Variants in ARHGAP42 observed in about 807,000 individuals in gnomAD.
ARHGAP42 encodes the protein Rho GTPase activating protein 42.
Under a neutral mutation model 125.0 loss-of-function variants are expected in ARHGAP42, and 63 were observed. The ratio of observed to expected loss-of-function variants is 0.50; its 90% CI spans 0.41 to 0.62. ARHGAP42 has a LOEUF of 0.62. ARHGAP42 is among the 20% of genes least tolerant of loss of function. The pLI is 0.00. For synonymous variants in ARHGAP42, 339 were observed against 351.0 expected (o/e 0.97, Z 0.38); for missense variants, 766 against 1,024.2 (o/e 0.75, Z 3.44).
chr11:100,697,809 C>T (rs1230835209), intron 1 of ARHGAP42, among the ~76,000 whole-genome samples: 1 of 152,082 alleles, frequency 6.6e-6, no homozygotes, highest in Non-Finnish European at 1.5e-5. Context: ...TTCTCTTCTT[C>T]ATTTATTTAA....
intron 1 of ARHGAP42, among the ~76,000 whole-genome samples, chr11:100,751,464 A>AT (rs201443872): frequency 0.068 from 9,485 of 139,468 alleles, 370 homozygotes; most frequent in East Asian, 0.2. Flanking sequence ...ATACTTTTTT[A>AT]TTTTTTTTTT....
At chr11:100,694,669 G>T (rs939466786) in intron 1 of ARHGAP42, among the ~76,000 whole-genome samples, 3 of 152,140 alleles carry the variant, frequency 2.0e-5, no homozygotes, top group Non-Finnish European at 1.5e-5. Flanking sequence ...TTATAGTATA[G>T]CTCCAGTGGT....
In ARHGAP42 at chr11:100,896,317, C is replaced by A. The variant is rs556517866; in HGVS notation, c.385-17135C>A. Among the ~76,000 whole-genome samples the A allele has an allele frequency of 3.9e-5, 6 of 152,220 alleles. No individual in the cohort carries two copies. The South Asian group carries it at 1.2e-3, about 32-fold the overall frequency. ...ACAATAAATATACATGTGCATGTGT[C>A]TTTATAGTAGCATGATTTATAATCC... On this transcript the variant is annotated intron_variant, in intron 4 of 23. Transcript: ENST00000298815.
chr11:100,802,424 CT>C (rs777832011), intron 3 of ARHGAP42, among the ~76,000 whole-genome samples: 78 of 123,872 alleles, frequency 6.3e-4, no homozygotes, highest in Middle Eastern at 4.3e-3. Flanking sequence ...TCCTTTCTTT[CT>C]TTTTTTTTTT....
intron 5 of ARHGAP42, among the ~76,000 whole-genome samples, chr11:100,919,789 C>T (rs374148383): frequency 1.3e-5 from 2 of 152,142 alleles, no homozygotes; most frequent in African/African-American, 4.8e-5. Context: ...TCTTGCAGCC[C>T]TTTCACCCAG....
intron 2 of ARHGAP42, among the ~76,000 whole-genome samples, chr11:100,773,769 G>A (rs1226373968): frequency 2.6e-5 from 4 of 152,134 alleles, no homozygotes; most frequent in Admixed American, 6.6e-5. Flanking sequence ...GATTAGATTC[G>A]AGAGGTGTGA....
At chr11:100,743,240 A>C (rs923246290) in intron 1 of ARHGAP42, among the ~76,000 whole-genome samples, 2 of 152,112 alleles carry the variant, frequency 1.3e-5, no homozygotes, top group African/African-American at 4.8e-5. Flanking sequence ...TCCTTTTAGC[A>C]TTTCTTGTAT....
intron 1 of ARHGAP42, among the ~76,000 whole-genome samples, chr11:100,705,242 C>T (rs751375913): frequency 9.2e-5 from 14 of 152,174 alleles, no homozygotes; most frequent in Non-Finnish European, 1.6e-4. Context: ...TGTTATCACT[C>T]ACACATGTGC....
chr11:100,772,784 A>G (rs1863013652), intron 2 of ARHGAP42, among the ~76,000 whole-genome samples: 2 of 152,240 alleles, frequency 1.3e-5, no homozygotes, highest in South Asian at 2.1e-4. Flanking sequence ...ATATATTAGC[A>G]TTATTACTTA....
intron 3 of ARHGAP42, among the ~76,000 whole-genome samples, chr11:100,851,815 A>G (rs1256947086): frequency 6.6e-6 from 1 of 152,180 alleles, no homozygotes; most frequent in East Asian, 1.9e-4. Context: ...AAAGTTAACC[A>G]CTGGCACTCA....
intron 16 of ARHGAP42, among the ~76,000 whole-genome samples, chr11:100,964,326 T>C (rs1473886470): frequency 1.3e-5 from 2 of 152,316 alleles, no homozygotes; most frequent in East Asian, 3.9e-4. Flanking sequence ...TGTATTTCTA[T>C]CATTCTCACT....
At chr11:100,702,529 C>T (rs972230446) in intron 1 of ARHGAP42, among the ~76,000 whole-genome samples, 3 of 151,014 alleles carry the variant, frequency 2.0e-5, no homozygotes, top group Non-Finnish European at 2.9e-5. Flanking sequence ...TATCAATAGA[C>T]TTGCCCGATG....
chr11:100,740,566 A>C (rs1358545624), intron 1 of ARHGAP42, among the ~76,000 whole-genome samples: 1 of 152,236 alleles, frequency 6.6e-6, no homozygotes, highest in Admixed American at 6.5e-5. Flanking sequence ...CATTAGCCAG[A>C]AGCTTTATGG....
At chr11:100,756,079 A>G (rs1309977840) in intron 1 of ARHGAP42, among the ~76,000 whole-genome samples, 1 of 152,084 alleles carries the variant, frequency 6.6e-6, no homozygotes, top group African/African-American at 2.4e-5. Flanking sequence ...AAAATTGGAT[A>G]GAGGTCTTAC....
chr11:100,960,814 G>C, intron 13 of ARHGAP42, 101 bp from the exon 14 acceptor site: 1 of 635,782 alleles, frequency 1.6e-6, no homozygotes, highest in Non-Finnish European at 2.5e-6. Flanking sequence ...AATTGGATAA[G>C]TAGCTTTCAA....
At chr11:100,939,550 A>G (rs924643562) in intron 8 of ARHGAP42, among the ~76,000 whole-genome samples, 1 of 152,198 alleles carries the variant, frequency 6.6e-6, no homozygotes, top group African/African-American at 2.4e-5. Context: ...TGTCTGATAT[A>G]AAAGGTTCTT....
chr11:100,714,389 TTGTGTGTGTGTGTG>T (rs10609660), intron 1 of ARHGAP42, among the ~76,000 whole-genome samples: 2 of 149,778 alleles, frequency 1.3e-5, no homozygotes, highest in African/African-American at 4.9e-5. Context: ...ACATAAAAAT[TTGTGTGTGTGTGTG>T]TGTGTGTGTG....
chr11:100,789,945 T>A (rs1863527173), intron 2 of ARHGAP42, among the ~76,000 whole-genome samples: 1 of 152,222 alleles, frequency 6.6e-6, no homozygotes, highest in Admixed American at 6.5e-5. Context: ...GTTAATTGGA[T>A]GCAAGAGAGA....
At chr11:100,923,462 G>C (rs1471754383) in intron 6 of ARHGAP42, among the ~76,000 whole-genome samples, 2 of 152,062 alleles carry the variant, frequency 1.3e-5, no homozygotes, top group Non-Finnish European at 2.9e-5. Flanking sequence ...GGAGTCACTT[G>C]TTTCCCTAAG....
Sources: allele counts gnomAD v4.1 joint callset (sites outside exome capture counted in the v4.1 genomes callset), GRCh38; gene constraint gnomAD v4.1.1; transcripts MANE v1.5; gene names NCBI Gene and HGNC (gene_info 2026-07-23, HGNC 2026-07-21).